Variants in CLK2 observed in about 807,000 individuals in gnomAD.
CLK2 encodes CDC like kinase 2, also known as dual specificity protein kinase CLK2.
CLK2 carries 12 observed loss-of-function variants against 73.5 expected under a neutral mutation model. The observed-to-expected ratio is 0.16, with a 90% CI of 0.10 to 0.26. The LOEUF (loss-of-function observed/expected upper bound fraction) is 0.26, where lower values mean the gene tolerates loss of function less well. CLK2 is among the 10% of genes least tolerant of loss of function. The pLI is 1.00. For missense variants in CLK2, 509 were observed against 688.4 expected (o/e 0.74, Z 2.92); for synonymous variants, 232 against 237.9 (o/e 0.98, Z 0.23).
At chr1:155,269,351 G>A in intron 3 of CLK2, 137 bp downstream of exon 3, 1 of 753,502 alleles carries the variant, frequency 1.3e-6, no homozygotes. Context: ...GAGCTTCCAA[G>A]AAAGTAGGCA....
chr1:155,268,107 G>A lies in CLK2; in HGVS notation c.574C>T (p.Leu192=), dbSNP rs1673318621. The A allele has an allele frequency of 1.9e-6, 3 of 1,614,108 alleles. No individual in the cohort carries two copies. Among genetic ancestry groups the A allele is most frequent in the African/African-American group, 2.7e-5 (2 of 75,026 alleles). ...TTCTCCACATTCTTAATGATCTTCA[G>A]GGCAACTCGAGCCCCACCCCTGTAA... is the stretch of plus-strand genomic sequence containing the variant. The part of the protein sequence containing the change: ...DHRRGGARVA[L]KIIKNVEKYK... The change falls in exon 6 of 13, where the codon CTG becomes TTG. Residue 192 remains leucine, a synonymous_variant. Coordinates refer to ENST00000368361, the MANE Select transcript of CLK2 (RefSeq NM_001294338.2). This position sits in a 1 kb window ranked among gnomAD's most constrained non-coding sequence, Gnocchi z 5.6.
In CLK2 at chr1:155,268,036, G is replaced by T; in HGVS notation, c.645C>A (p.Ile215=). 1.2e-6 allele frequency: 2 copies of T among 1,613,774 alleles called. No homozygotes were observed. The highest frequency in any genetic ancestry group is 1.7e-6 in the Non-Finnish European group (2 of 1,179,716). The part of the protein sequence containing the change: ...ARLEINVLEK[I]NEKDPDNKNL... ...TCTTGTTGTCAGGGTCTTTCTCATT[G>T]ATTTTCTCTAGCACGTTGATCTCAA... The change falls in exon 6 of 13, where the codon ATC becomes ATA. Residue 215 remains isoleucine (I), a synonymous_variant. Coordinates refer to ENST00000368361, the MANE Select transcript of CLK2 (RefSeq NM_001294338.2). The surrounding 1 kb of genome is among the most constrained non-coding windows in gnomAD (Gnocchi z 5.6).
Position 155,268,782 on chromosome 1 carries a change from C to G in CLK2, c.413G>C (p.Arg138Pro). The G allele has an allele frequency of 6.7e-7, 1 of 1,487,450 alleles. No homozygotes were observed. The highest frequency in any genetic ancestry group is 9.1e-7 in the Non-Finnish European group (1 of 1,102,300). 92.1% of individuals were successfully genotyped at this position (1,487,450 alleles called of 1,614,324 possible). ...GTCGTCCTCTACACTCTTGGCTCTC[C>G]GGCTGCTGTGCTGCTGTCGGGGGGC... ...FSRSSSQHSS[R>P]RAKSVEDDAE... is the part of the protein sequence containing the mutation. Residue 138 changes from arginine to proline, a missense_variant, in exon 4 of 13, where the codon CGG (arginine) becomes CCG (proline). This residue lies in a region of CLK2 where 222 missense variants were observed against 221.7 expected (regional missense o/e 1.00). Transcript: ENST00000368361. This position sits in a 1 kb window ranked among gnomAD's most constrained non-coding sequence, Gnocchi z 5.6.
At chr1:155,271,213 C>G (rs534933259) in intron 1 of CLK2, among the ~76,000 whole-genome samples, 1 of 152,228 alleles carries the variant, frequency 6.6e-6, no homozygotes, top group African/African-American at 2.4e-5. Context: ...TCATTACCCA[C>G]CCCTCAGTTC....
At position 155,269,655 on chromosome 1, in the gene CLK2, T is replaced by C. The variant is rs1455849940; in HGVS notation, c.232A>G (p.Arg78Gly). Residue 78 changes from arginine (R) to glycine (G), a missense_variant, in exon 3 of 13, where the codon AGA becomes GGA. Around this residue, in one of 6 missense-constraint regions of CLK2, gnomAD observed 222 missense variants for 221.7 expected, o/e 1.00. Transcript: ENST00000368361. ...VYDRRYCGSY[R>G]RNDYSRDRGD... Reference sequence around the variant, plus strand: ...CGATCCCGGCTATAATCGTTGCGTCTGTAGCTGCCACAGTATCGCCGGTCA... The same window carrying C: ...CGATCCCGGCTATAATCGTTGCGTCCGTAGCTGCCACAGTATCGCCGGTCA... 1 of 1,614,236 alleles carries C rather than the reference T, an allele frequency of 6.2e-7. No homozygotes were observed. The highest frequency in any genetic ancestry group is 1.7e-5 in the Admixed American group (1 of 60,034).
intron 2 of CLK2, among the ~76,000 whole-genome samples, chr1:155,270,116 C>T (rs992479010): frequency 1.3e-5 from 2 of 151,794 alleles, no homozygotes; most frequent in African/African-American, 4.8e-5. Context: ...CCTGTAATCC[C>T]AGCACTTTGG....
In CLK2 at chr1:155,268,940, G is replaced by T; in HGVS notation, c.400-145C>A. The T allele has an allele frequency of 1.5e-6, 1 of 655,278 alleles. No individual in the cohort carries two copies. Among genetic ancestry groups the T allele is most frequent in the Non-Finnish European group, 2.8e-6 (1 of 361,210 alleles). 40.6% of individuals were successfully genotyped at this position (655,278 alleles called of 1,614,324 possible). A position where few individuals can be genotyped will look rare whatever the true frequency, so the allele number is the denominator to read the frequency against. On this transcript the variant is annotated intron_variant, in intron 3 of 12. Coordinates refer to ENST00000368361, the MANE Select transcript of CLK2 (RefSeq NM_001294338.2). This position sits in a 1 kb window ranked among gnomAD's most constrained non-coding sequence, Gnocchi z 5.6. Reference sequence around the variant, plus strand: ...GATGGGGGACAGTGGAAGGGAACACGTCAGATGCAGTAAGGTGGATCGGTG... The same window carrying T: ...GATGGGGGACAGTGGAAGGGAACACTTCAGATGCAGTAAGGTGGATCGGTG...
At position 155,270,961 on chromosome 1, in the gene CLK2, C is replaced by T. The variant is rs143471041; in HGVS notation, c.17G>A (p.Arg6Lys). Residue 6 changes from arginine to lysine, a missense_variant, in exon 2 of 13, where the codon AGG becomes AAG. Arg to Lys is a conservative substitution (Grantham distance 26). Around this residue, in one of 6 missense-constraint regions of CLK2, gnomAD observed 222 missense variants for 221.7 expected, o/e 1.00. Coordinates refer to ENST00000368361, the MANE Select transcript of CLK2 (RefSeq NM_001294338.2). ...GCTGCCTCGCTCTGAGGAGTGGTAC[C>T]TTCGAGGATGCGGCATCTGGAAGGC... MPHPR[R>K]YHSSERGSRG... 1 of 1,610,218 alleles carries T rather than the reference C, an allele frequency of 6.2e-7. No homozygotes were observed. Among genetic ancestry groups the T allele is most frequent in the African/African-American group, 1.3e-5 (1 of 74,846 alleles).
At chr1:155,264,604 C>G in intron 9 of CLK2, 41 bp downstream of exon 9, 1 of 1,614,242 alleles carries the variant, frequency 6.2e-7, no homozygotes, top group Non-Finnish European at 8.5e-7. Flanking sequence ...GCCCCACCCT[C>G]ACATCATCTC....
chr1:155,264,209 C>T lies in CLK2; in HGVS notation c.1226+12G>A. 1 of 1,614,020 alleles carries T rather than the reference C, an allele frequency of 6.2e-7. No individual in the cohort carries two copies. The highest frequency in any genetic ancestry group is 1.1e-5 in the South Asian group (1 of 91,076). The stretch of plus-strand genomic sequence containing the variant: ...AAGGAAAAGAGTTAACTAGTGCCCC[C>T]TCAAGGTTCACCTTGTCTTTCGGAT... On this transcript the variant is annotated intron_variant, in intron 11 of 12. Transcript: ENST00000368361.
Position 155,264,760 on chromosome 1 carries a change from G to A in CLK2, c.948C>T (p.Arg316=). The change falls in exon 9 of 13, where the codon CGC becomes CGT. Residue 316 remains arginine (R), a synonymous_variant. Coordinates refer to ENST00000368361, the MANE Select transcript of CLK2 (RefSeq NM_001294338.2). ...CCCGCACAGCTGTGCTCTTCACACT[G>A]CGCTCATCTCGCTTCTAGGAGCAGA... ...TYNLEKKRDE[R]SVKSTAVRVV... 4.3e-6 allele frequency: 7 copies of A among 1,614,212 alleles called. No homozygotes were observed. The highest frequency in any genetic ancestry group is 5.1e-6 in the Non-Finnish European group (6 of 1,180,024).
intron 6 of CLK2, among the ~76,000 whole-genome samples, chr1:155,267,768 T>C (rs995489715): frequency 6.6e-6 from 1 of 152,182 alleles, no homozygotes; most frequent in Non-Finnish European, 1.5e-5. Flanking sequence ...CAGAAGCCAT[T>C]CTAGGCTGGG....
intron 6 of CLK2, 52 bp downstream of exon 6, chr1:155,267,958 C>T (rs560226879): frequency 4.3e-5 from 53 of 1,244,060 alleles, no homozygotes; most frequent in East Asian, 1.9e-4. Flanking sequence ...AAGTCTCTCC[C>T]GTGTAGGGGT....
In CLK2 at chr1:155,271,108, C is replaced by T. The variant is rs1234059406; in HGVS notation, c.1-131G>A. 8 of 848,696 alleles carry T rather than the reference C, an allele frequency of 9.4e-6. No homozygotes were observed. The African/African-American group carries it at 1.3e-4, about 14-fold the overall frequency. The allele number at this position is 848,696 out of a possible 1,614,324, so 52.6% of individuals were successfully genotyped here. Reference sequence around the variant, plus strand: ...TGCCTCTTTTTACCAGGCACAACTTCCTCAGTCTTCCTCTGTACTTACAAT... The same window carrying T: ...TGCCTCTTTTTACCAGGCACAACTTTCTCAGTCTTCCTCTGTACTTACAAT... On this transcript the variant is annotated intron_variant, in intron 1 of 12. Transcript: ENST00000368361.
chr1:155,263,529 G>A (rs1255779733), intron 12 of CLK2, 129 bp from the exon 13 acceptor site: 21 of 1,458,240 alleles, frequency 1.4e-5, no homozygotes, highest in South Asian at 2.8e-5. Context: ...ACCTAACCAC[G>A]ACCACACCAG....
rs773202479 is a variant in CLK2, at chr1:155,269,675, C to T, written c.212G>A (p.Arg71Gln). 3.0e-5 allele frequency: 49 copies of T among 1,614,110 alleles called. No individual in the cohort carries two copies. The highest frequency in any genetic ancestry group is 1.5e-4 in the South Asian group (14 of 91,090). Reference sequence around the variant, plus strand: ...GCGTCTGTAGCTGCCACAGTATCGCCGGTCATACACCCTCCGGTCGGACGA... The same window carrying T: ...GCGTCTGTAGCTGCCACAGTATCGCTGGTCATACACCCTCCGGTCGGACGA... ...DRSSDRRVYD[R>Q]RYCGSYRRND... Residue 71 changes from arginine to glutamine, a missense_variant, in exon 3 of 13, where the codon CGG becomes CAG. Around this residue, in one of 6 missense-constraint regions of CLK2, gnomAD observed 222 missense variants for 221.7 expected, o/e 1.00. Coordinates refer to ENST00000368361, the MANE Select transcript of CLK2 (RefSeq NM_001294338.2).
intron 1 of CLK2, among the ~76,000 whole-genome samples, chr1:155,272,917 G>A (rs1041847107): frequency 2.1e-4 from 32 of 152,054 alleles, no homozygotes; most frequent in African/African-American, 6.8e-4. Flanking sequence ...GATTGGACCC[G>A]AGTCCAACTT....
At chr1:155,263,732 T>C in intron 12 of CLK2, 1 of 985,412 alleles carries the variant, frequency 1.0e-6, no homozygotes, top group Non-Finnish European at 1.2e-6. Flanking sequence ...GACATTGCTT[T>C]GATCTCTGGT....
chr1:155,272,174 G>A (rs766258223), intron 1 of CLK2, among the ~76,000 whole-genome samples: 4 of 152,020 alleles, frequency 2.6e-5, no homozygotes, highest in African/African-American at 7.2e-5. Flanking sequence ...GCGCCGCCAC[G>A]CCCAGCTAAT....
Sources: gnomAD v4.1 joint callset for allele counts (sites outside exome capture counted in the v4.1 genomes callset) on GRCh38, gnomAD v4.1.1 for gene constraint, gnomAD v4.1.1 regional missense constraint, Gnocchi (gnomAD v3.1) non-coding constraint, MANE v1.5 for transcripts, NCBI Gene and HGNC (gene_info 2026-07-23, HGNC 2026-07-21) for gene names.